Variants in GRID2 observed in about 807,000 individuals in gnomAD.
GRID2 encodes the protein glutamate receptor ionotropic, delta-2.
In GRID2, 33 loss-of-function variants were observed where a neutral mutation model predicts 114.8. The observed-to-expected ratio is 0.29, with a 90% CI of 0.22 to 0.38. The LOEUF (loss-of-function observed/expected upper bound fraction) is 0.38. Ranked by LOEUF, GRID2 falls within the 10% of genes least tolerant of loss-of-function variation. The pLI is 1.00. For synonymous variants in GRID2, 505 were observed against 449.9 expected (o/e 1.12, Z -1.55); for missense variants, 1,184 against 1,257.7 (o/e 0.94, Z 0.89).
At chr4:92,929,390 T>A (rs549322043) in intron 2 of GRID2, among the ~76,000 whole-genome samples, 3 of 151,260 alleles carry the variant, frequency 2.0e-5, no homozygotes, top group South Asian at 2.1e-4. Context: ...ATTAAAAAAA[T>A]TATTTCTTCT....
At chr4:93,206,995 T>C (rs766672135) in intron 4 of GRID2, among the ~76,000 whole-genome samples, 5 of 152,082 alleles carry the variant, frequency 3.3e-5, no homozygotes, top group Non-Finnish European at 7.4e-5. Flanking sequence ...TAGAGCCAGA[T>C]TGTAGAAGCT....
intron 2 of GRID2, among the ~76,000 whole-genome samples, chr4:92,717,645 G>A (rs1735614300): frequency 6.6e-6 from 1 of 152,164 alleles, no homozygotes; most frequent in African/African-American, 2.4e-5. Context: ...GATCAAATGT[G>A]TTCACTTAAA....
chr4:93,712,919 A>G (rs953653071), intron 14 of GRID2, among the ~76,000 whole-genome samples: 1 of 152,192 alleles, frequency 6.6e-6, no homozygotes, highest in Non-Finnish European at 1.5e-5. Flanking sequence ...AAGAGATACA[A>G]TAGGTATCCA....
At chr4:93,115,852 C>T (rs1347586811) in intron 4 of GRID2, among the ~76,000 whole-genome samples, 1 of 152,158 alleles carries the variant, frequency 6.6e-6, no homozygotes, top group Non-Finnish European at 1.5e-5. Context: ...TTACCTCCCC[C>T]AGGTCCCTCC....
intron 2 of GRID2, among the ~76,000 whole-genome samples, chr4:92,735,798 AG>A (rs200331605): frequency 0.022 from 3,407 of 152,148 alleles, 42 homozygotes; most frequent in South Asian, 0.033. Context: ...TCTGTTCCTT[AG>A]GTCACTTGAT....
intron 2 of GRID2, among the ~76,000 whole-genome samples, chr4:92,889,597 C>A (rs981872912): frequency 6.6e-6 from 1 of 152,106 alleles, no homozygotes; most frequent in Non-Finnish European, 1.5e-5. Flanking sequence ...AACTACAAAC[C>A]ACTGCTCAAG....
chr4:93,216,838 G>A lies in GRID2; in HGVS notation c.890G>A (p.Arg297Gln), dbSNP rs561743155. ...TFPVPQNISQ[R>Q]CFRGNHRISS... ...CCAGTTCCCCAGAACATAAGTCAGCGGTGTTTCCGTGGCAACCATCGAATA... is the reference window on the plus strand; with the variant it reads ...CCAGTTCCCCAGAACATAAGTCAGCAGTGTTTCCGTGGCAACCATCGAATA... Residue 297 changes from arginine (R) to glutamine (Q), a missense_variant, in exon 6 of 16, where the codon CGG becomes CAG. This residue lies in a region of GRID2 where 455 missense variants were observed against 429.5 expected (regional missense o/e 1.06). Coordinates refer to ENST00000282020, the MANE Select transcript of GRID2 (RefSeq NM_001510.4). The A allele has an allele frequency of 1.9e-5, 31 of 1,613,048 alleles. No homozygotes were observed. In the East Asian group the frequency reaches 3.1e-4, roughly 16 times the overall value.
At chr4:93,244,502 GA>G in intron 8 of GRID2, among the ~76,000 whole-genome samples, 4 of 50,052 alleles carry the variant, frequency 8.0e-5, no homozygotes, top group Non-Finnish European at 1.7e-4. Context: ...TTAATTAATA[GA>G]TTATATAATC....
At chr4:93,574,004 C>T (rs1736172263) in intron 13 of GRID2, among the ~76,000 whole-genome samples, 1 of 152,100 alleles carries the variant, frequency 6.6e-6, no homozygotes, top group South Asian at 2.1e-4. Flanking sequence ...AGGGTAGATA[C>T]TCAATAAGGA....
chr4:93,035,215 C>A (rs1318278781), intron 2 of GRID2, among the ~76,000 whole-genome samples: 1 of 151,644 alleles, frequency 6.6e-6, no homozygotes, highest in African/African-American at 2.4e-5. Flanking sequence ...AAGTGATCCT[C>A]CTATCACAGC....
chr4:93,544,254 C>A (rs1732968835), intron 13 of GRID2, among the ~76,000 whole-genome samples: 1 of 151,864 alleles, frequency 6.6e-6, no homozygotes, highest in African/African-American at 2.4e-5. Flanking sequence ...CCTTTGAGAT[C>A]TCTGGGAAAT....
chr4:93,284,540 A>C (rs945392874), intron 8 of GRID2, among the ~76,000 whole-genome samples: 1 of 151,780 alleles, frequency 6.6e-6, no homozygotes, highest in African/African-American at 2.4e-5. Flanking sequence ...AATATATAAT[A>C]AATTAATAAA....
intron 2 of GRID2, among the ~76,000 whole-genome samples, chr4:92,603,765 A>T (rs1729330929): frequency 2.0e-5 from 3 of 152,150 alleles, no homozygotes; most frequent in Admixed American, 1.3e-4. Context: ...AGAATGGGAG[A>T]AAATTTTCAC....
chr4:93,184,751 G>A (rs929888185), intron 4 of GRID2, among the ~76,000 whole-genome samples: 9 of 152,076 alleles, frequency 5.9e-5, no homozygotes, highest in Middle Eastern at 3.4e-3. Context: ...GCGTGGTGGC[G>A]TGTGCCTGTA....
At chr4:93,431,150 T>C (rs1017670022) in intron 10 of GRID2, among the ~76,000 whole-genome samples, 2 of 152,144 alleles carry the variant, frequency 1.3e-5, no homozygotes, top group Non-Finnish European at 2.9e-5. Context: ...AAAAGGGTGG[T>C]TGTGTAACTA....
At chr4:92,651,086 C>A (rs1171777956) in intron 2 of GRID2, among the ~76,000 whole-genome samples, 1 of 151,998 alleles carries the variant, frequency 6.6e-6, no homozygotes, top group East Asian at 1.9e-4. Context: ...TGTAGAATAT[C>A]ATAACAGCAA....
intron 11 of GRID2, among the ~76,000 whole-genome samples, chr4:93,472,091 G>T (rs559590477): frequency 1.3e-5 from 2 of 151,444 alleles, no homozygotes; most frequent in East Asian, 4.0e-4. Context: ...TTGGGAGACT[G>T]AGGCGGGCGG....
chr4:93,665,527 A>C (rs775608421), intron 14 of GRID2, among the ~76,000 whole-genome samples: 6 of 152,170 alleles, frequency 3.9e-5, no homozygotes, highest in Non-Finnish European at 8.8e-5. Context: ...TTCACACAAA[A>C]CAGTCAAAAC....
chr4:93,769,205 C>T lies in GRID2; in HGVS notation c.2361-5C>T. On this transcript the variant is annotated splice_polypyrimidine_tract_variant and splice_region_variant and intron_variant, in intron 14 of 15. Coordinates refer to ENST00000282020, the MANE Select transcript of GRID2 (RefSeq NM_001510.4). ...ATAACACATGCTTATGTTCTTTATC[C>T]CAAGGATCCTGGAGCTTCAGCAGAA... The T allele has an allele frequency of 6.2e-7, 1 of 1,613,654 alleles. No individual in the cohort carries two copies. The highest frequency in any genetic ancestry group is 8.5e-7 in the Non-Finnish European group (1 of 1,179,736).
Sources: gnomAD v4.1 joint callset for allele counts (sites outside exome capture counted in the v4.1 genomes callset) on GRCh38, gnomAD v4.1.1 for gene constraint, gnomAD v4.1.1 regional missense constraint, MANE v1.5 for transcripts, NCBI Gene and HGNC (gene_info 2026-07-23, HGNC 2026-07-21) for gene names.